Variants in JAK2 observed in about 807,000 individuals in gnomAD.
JAK2 encodes the protein tyrosine-protein kinase JAK2.
In JAK2, 86 loss-of-function variants were observed where a neutral mutation model predicts 139.3. The observed-to-expected ratio is 0.62, with a 90% CI of 0.52 to 0.74. The LOEUF (loss-of-function observed/expected upper bound fraction) is 0.74. Among genes scored for constraint, JAK2 ranks in the 30% least tolerant of loss-of-function variants. The pLI is 0.00. For missense variants in JAK2, 1,421 were observed against 1,360.3 expected, an observed-to-expected ratio of 1.04 and a Z score of -0.70; for synonymous variants, 490 against 437.7, an observed-to-expected ratio of 1.12 and a Z score of -1.49.
intron 4 of JAK2, among the ~76,000 whole-genome samples, chr9:5,042,276 T>C (rs974870651): frequency 2.6e-5 from 4 of 151,770 alleles, no homozygotes; most frequent in African/African-American, 9.7e-5. Context: ...TAGCTGGGAC[T>C]ACAGGCGCCC....
intron 8 of JAK2, among the ~76,000 whole-genome samples, chr9:5,058,023 T>A (rs1490069122): frequency 6.6e-6 from 1 of 152,212 alleles, no homozygotes; most frequent in Non-Finnish European, 1.5e-5. Flanking sequence ...TGTATCAATT[T>A]CCTTCATTTT....
At chr9:5,109,933 G>A (rs976631521) in intron 22 of JAK2, 6 of 152,180 alleles carry the variant, frequency 3.9e-5, no homozygotes, top group Non-Finnish European at 8.8e-5. Flanking sequence ...CTAACTGGCT[G>A]ACAATATGGC....
Position 5,104,241 on chromosome 9 carries a change from G to A in JAK2, c.3059+13330G>A, listed in dbSNP as rs539092304. Among the ~76,000 whole-genome samples, 633 of 152,242 alleles carry A rather than the reference G, an allele frequency of 4.2e-3. 6 individuals carry two copies. Among genetic ancestry groups the A allele is most frequent in the African/African-American group, 0.015 (607 of 41,536 alleles). ...AAATGGTAAAGGGGATATCACCACC[G>A]ATCCCACAGAAATACAAACTACCAT... On this transcript the variant is annotated intron_variant, in intron 22 of 24. Transcript: ENST00000381652.
At chr9:5,015,162 G>A (rs1479032406) in intron 2 of JAK2, among the ~76,000 whole-genome samples, 2 of 152,154 alleles carry the variant, frequency 1.3e-5, no homozygotes, top group Non-Finnish European at 2.9e-5. Flanking sequence ...ATGCACAAAA[G>A]TATTTACCTA....
At chr9:5,070,623 C>T (rs986257724) in intron 12 of JAK2, among the ~76,000 whole-genome samples, 5 of 151,630 alleles carry the variant, frequency 3.3e-5, no homozygotes, top group African/African-American at 1.2e-4. Context: ...GCTGTGTCAC[C>T]CAGGCTGGAA....
chr9:5,049,033 A>T (rs996917806), intron 5 of JAK2, among the ~76,000 whole-genome samples: 3 of 152,196 alleles, frequency 2.0e-5, no homozygotes, highest in African/African-American at 7.2e-5. Flanking sequence ...AAAATCGTAG[A>T]ACCTCTGTGT....
chr9:5,047,384 A>T (rs1312506004), intron 5 of JAK2, among the ~76,000 whole-genome samples: 1 of 152,236 alleles, frequency 6.6e-6, no homozygotes, highest in Non-Finnish European at 1.5e-5. Flanking sequence ...AATCAAAAGT[A>T]AGATGGCCCT....
intron 14 of JAK2, among the ~76,000 whole-genome samples, chr9:5,076,057 G>C (rs1031653626): frequency 1.1e-4 from 17 of 152,192 alleles, no homozygotes; most frequent in Admixed American, 1.0e-3. Flanking sequence ...AGTGGAGCTT[G>C]AAGATGTGAC....
chr9:5,111,360 C>G, intron 22 of JAK2: 1 of 344,296 alleles, frequency 2.9e-6, no homozygotes, highest in South Asian at 2.1e-5. Context: ...CCGGTACTAC[C>G]CCTCCTACGC....
chr9:5,099,016 A>T (rs934152006), intron 22 of JAK2: 3 of 151,988 alleles, frequency 2.0e-5, no homozygotes, highest in Non-Finnish European at 4.4e-5. Context: ...TTCTTATATA[A>T]CCCCAACACC....
intron 2 of JAK2, among the ~76,000 whole-genome samples, chr9:5,009,178 T>C (rs1232842030): frequency 2.0e-5 from 3 of 152,182 alleles, no homozygotes; most frequent in African/African-American, 7.2e-5. Flanking sequence ...ATGAGCAAAT[T>C]GGGTGGTCCG....
intron 5 of JAK2, among the ~76,000 whole-genome samples, chr9:5,045,200 G>C (rs1816916855): frequency 6.6e-6 from 1 of 152,132 alleles, no homozygotes; most frequent in South Asian, 2.1e-4. Flanking sequence ...ATATATTAGT[G>C]CTCTTGGGTA....
At chr9:5,018,552 T>C (rs1822215815) in intron 2 of JAK2, among the ~76,000 whole-genome samples, 1 of 152,140 alleles carries the variant, frequency 6.6e-6, no homozygotes, top group South Asian at 2.1e-4. Flanking sequence ...TTGTCCAGGC[T>C]GCTCTTGAAC....
At chr9:5,103,294 T>C (rs1821675814) in intron 22 of JAK2, among the ~76,000 whole-genome samples, 1 of 121,062 alleles carries the variant, frequency 8.3e-6, no homozygotes, top group East Asian at 2.5e-4. Flanking sequence ...AAAAAGACTT[T>C]AAGCCAACAA....
At chr9:5,041,413 G>A (rs1816499197) in intron 4 of JAK2, 1 of 630,564 alleles carries the variant, frequency 1.6e-6, no homozygotes, top group Admixed American at 2.2e-5. Context: ...TGGAGGTGCT[G>A]GGCCACATGT....
At chr9:5,097,513 G>T (rs955797245) in intron 22 of JAK2, 4 of 152,122 alleles carry the variant, frequency 2.6e-5, no homozygotes, top group African/African-American at 9.7e-5. Context: ...AGGGTTTATT[G>T]TATGAGCACA....
At chr9:5,023,527 C>A (rs1390312204) in intron 3 of JAK2, among the ~76,000 whole-genome samples, 1 of 152,162 alleles carries the variant, frequency 6.6e-6, no homozygotes, top group Non-Finnish European at 1.5e-5. Flanking sequence ...ATTTTTTGTC[C>A]TGCAAGGGGC....
chr9:5,126,471 G>A (rs1046772124), intron 24 of JAK2, 25 bp downstream of exon 24: 10 of 1,456,958 alleles, frequency 6.9e-6, no homozygotes, highest in Non-Finnish European at 9.6e-6. Context: ...TTAATCCAGG[G>A]TAGTCATGCA....
chr9:5,002,778 A>G (rs1821000412), intron 2 of JAK2, among the ~76,000 whole-genome samples: 1 of 151,958 alleles, frequency 6.6e-6, no homozygotes, highest in South Asian at 2.1e-4. Context: ...GCTTCATGTA[A>G]TTGGAAACTA....
Sources: allele counts gnomAD v4.1 joint callset (sites outside exome capture counted in the v4.1 genomes callset), GRCh38; gene constraint gnomAD v4.1.1; transcripts MANE v1.5; gene names NCBI Gene and HGNC (gene_info 2026-07-23, HGNC 2026-07-21).